The following NFIA variants were observed in gnomAD, a reference collection of about 807,000 sequenced individuals.
NFIA encodes the protein nuclear factor I A, also known as nuclear factor 1 A-type.
A neutral mutation model predicts 62.8 loss-of-function variants in NFIA; 8 were observed. The observed-to-expected ratio is 0.13, with a 90% CI of 0.07 to 0.23. The LOEUF (loss-of-function observed/expected upper bound fraction) is 0.23, where lower values mean the gene tolerates loss of function less well. Ranked by LOEUF, NFIA falls within the 10% of genes least tolerant of loss-of-function variation. The pLI is 1.00. For missense variants in NFIA, 410 were observed against 642.1 expected, an observed-to-expected ratio of 0.64 and a Z score of 3.91; for synonymous variants, 235 against 238.1, an observed-to-expected ratio of 0.99 and a Z score of 0.12.
At chr1:61,259,726 TG>T (rs1221009522) in intron 2 of NFIA, among the ~76,000 whole-genome samples, 1 of 151,598 alleles carries the variant, frequency 6.6e-6, no homozygotes, top group Non-Finnish European at 1.5e-5. Flanking sequence ...CTAAGAAGGT[TG>T]TTGGCGTAAA....
In NFIA at chr1:61,461,282, A is replaced by C. The variant is rs1008918589; in HGVS notation, c.*5962A>C. The C allele has an allele frequency of 6.6e-6, 1 of 152,196 alleles. No homozygotes were observed. The highest frequency in any genetic ancestry group is 1.5e-5 in the Non-Finnish European group (1 of 68,036). The allele number at this position is 152,196 out of a possible 1,614,324, so 9.4% of individuals were successfully genotyped here. On this transcript the variant is annotated 3_prime_UTR_variant, in exon 11 of 11. Transcript: ENST00000403491. ...CACCAGACCTCCTCATATTAAAAGG[A>C]AAAATAAGAAAAAAAATGTAAGAAA...
At chr1:61,145,411 T>G (rs573032428) in intron 2 of NFIA, among the ~76,000 whole-genome samples, 2 of 152,334 alleles carry the variant, frequency 1.3e-5, no homozygotes, top group South Asian at 4.1e-4. Flanking sequence ...AGAAACATTA[T>G]CTACTGGATG....
intron 3 of NFIA, among the ~76,000 whole-genome samples, chr1:61,328,430 A>ATT (rs11443267): frequency 6.6e-6 from 1 of 150,536 alleles, no homozygotes; most frequent in Non-Finnish European, 1.5e-5. Flanking sequence ...ATATATATAT[A>ATT]TTTTTTTCGA....
At chr1:61,365,817 A>G (rs966663405) in intron 6 of NFIA, among the ~76,000 whole-genome samples, 3 of 152,156 alleles carry the variant, frequency 2.0e-5, no homozygotes, top group South Asian at 2.1e-4. Flanking sequence ...ATGAAGTCCA[A>G]AGTCCTTTGT....
chr1:61,462,775 A>G lies in NFIA; in HGVS notation c.*7455A>G, dbSNP rs1668595026. 1 of 152,250 alleles carries G rather than the reference A, an allele frequency of 6.6e-6. No homozygotes were observed. Among genetic ancestry groups the G allele is most frequent in the South Asian group, 2.1e-4 (1 of 4,828 alleles). 9.4% of individuals were successfully genotyped at this position (152,250 alleles called of 1,614,324 possible). ...ATGCAACAAAAAAGGAAAAATAAAA[A>G]ATTGCTAATGCTATGGAAGCTGTGT... On this transcript the variant is annotated 3_prime_UTR_variant, in exon 11 of 11. Coordinates refer to ENST00000403491, the MANE Select transcript of NFIA (RefSeq NM_001134673.4).
At chr1:61,380,679 A>T (rs1664371536) in intron 6 of NFIA, among the ~76,000 whole-genome samples, 1 of 152,124 alleles carries the variant, frequency 6.6e-6, no homozygotes, top group Admixed American at 6.5e-5. Flanking sequence ...CTCAATACGA[A>T]CTCTTTAAAA....
At chr1:61,398,351 TA>T (rs1448619262) in intron 7 of NFIA, among the ~76,000 whole-genome samples, 1 of 152,222 alleles carries the variant, frequency 6.6e-6, no homozygotes, top group Non-Finnish European at 1.5e-5. Flanking sequence ...ATAAAAATTT[TA>T]AAAGACTTTG....
At chr1:61,221,910 A>T (rs942902644) in intron 2 of NFIA, among the ~76,000 whole-genome samples, 22 of 152,160 alleles carry the variant, frequency 1.4e-4, no homozygotes, top group African/African-American at 5.1e-4. Flanking sequence ...TAATAATGGC[A>T]CATTGTGAAT....
chr1:61,266,137 C>T (rs1218657609), intron 2 of NFIA, among the ~76,000 whole-genome samples: 2 of 152,082 alleles, frequency 1.3e-5, no homozygotes, highest in Middle Eastern at 3.2e-3. Context: ...ATATTCTGGC[C>T]TGGAGAGGTA....
At chr1:61,395,288 G>GTGTT (rs1553181704) in intron 7 of NFIA, among the ~76,000 whole-genome samples, 2 of 135,682 alleles carry the variant, frequency 1.5e-5, no homozygotes, top group South Asian at 4.7e-4. Context: ...GTGTGTGTGT[G>GTGTT]TTTTTTTTTT....
intron 10 of NFIA, among the ~76,000 whole-genome samples, chr1:61,441,327 G>GTCTGTC (rs1283229917): frequency 1.4e-5 from 2 of 141,656 alleles, no homozygotes; most frequent in African/African-American, 5.4e-5. Flanking sequence ...GTGTGTGTGT[G>GTCTGTC]TGTGTGTCTG....
At chr1:61,272,362 T>C (rs1339343516) in intron 2 of NFIA, among the ~76,000 whole-genome samples, 1 of 152,210 alleles carries the variant, frequency 6.6e-6, no homozygotes, top group Non-Finnish European at 1.5e-5. Flanking sequence ...TCCTAAATAT[T>C]ACAAAGTATT....
At chr1:61,341,604 A>C (rs999897330) in intron 4 of NFIA, among the ~76,000 whole-genome samples, 1 of 152,070 alleles carries the variant, frequency 6.6e-6, no homozygotes, top group Non-Finnish European at 1.5e-5. Flanking sequence ...CAGCCTTCCC[A>C]GTAGCCGGGA....
chr1:61,176,279 T>C (rs1650339290), intron 2 of NFIA, among the ~76,000 whole-genome samples: 1 of 151,970 alleles, frequency 6.6e-6, no homozygotes, highest in Non-Finnish European at 1.5e-5. Flanking sequence ...CCCCCACCCT[T>C]TTTAATTTTT....
chr1:61,195,130 T>G (rs1651903875), intron 2 of NFIA, among the ~76,000 whole-genome samples: 3 of 152,184 alleles, frequency 2.0e-5, no homozygotes, highest in African/African-American at 7.2e-5. Flanking sequence ...CTGAAATATT[T>G]TCATTAATTC....
At chr1:61,237,640 T>G (rs575347044) in intron 2 of NFIA, among the ~76,000 whole-genome samples, 3 of 152,320 alleles carry the variant, frequency 2.0e-5, no homozygotes, top group African/African-American at 7.2e-5. Flanking sequence ...TCCATGCAAG[T>G]TTTTTTCCTC....
intron 2 of NFIA, among the ~76,000 whole-genome samples, chr1:61,128,235 CA>C (rs1302813784): frequency 5.9e-5 from 9 of 152,126 alleles, no homozygotes; most frequent in Non-Finnish European, 1.5e-5. Flanking sequence ...AGGCATGAGC[CA>C]CTGCACCAAG....
At chr1:61,208,206 T>C (rs1161069706) in intron 2 of NFIA, among the ~76,000 whole-genome samples, 1 of 152,110 alleles carries the variant, frequency 6.6e-6, no homozygotes, top group Non-Finnish European at 1.5e-5. Flanking sequence ...ACATTATGAT[T>C]GAACTCTTGT....
At chr1:61,254,425 T>C (rs1305722647) in intron 2 of NFIA, among the ~76,000 whole-genome samples, 2 of 152,320 alleles carry the variant, frequency 1.3e-5, no homozygotes, top group African/African-American at 2.4e-5. Flanking sequence ...TGATAGAGCA[T>C]TGACACAACT....
Sources: allele counts gnomAD v4.1 joint callset (sites outside exome capture counted in the v4.1 genomes callset), GRCh38; gene constraint gnomAD v4.1.1; transcripts MANE v1.5; gene names NCBI Gene and HGNC (gene_info 2026-07-23, HGNC 2026-07-21).